Variants in SOX6 observed in about 807,000 individuals in gnomAD.
The protein encoded by SOX6 is SRY-box transcription factor 6.
A neutral mutation model predicts 97.8 loss-of-function variants in SOX6; 11 were observed. The observed-to-expected ratio is 0.11, with a 90% CI of 0.07 to 0.19. The LOEUF (loss-of-function observed/expected upper bound fraction) is 0.19. Among genes scored for constraint, SOX6 ranks in the 10% least tolerant of loss-of-function variants. The pLI, the probability that SOX6 is intolerant of heterozygous loss-of-function variation, is 1.00. For missense variants in SOX6, 810 were observed against 1,039.5 expected (o/e 0.78, Z 3.04); for synonymous variants, 360 against 371.4 (o/e 0.97, Z 0.35).
At chr11:16,525,020 T>C (rs1280616648) in intron 4 of SOX6, among the ~76,000 whole-genome samples, 2 of 152,188 alleles carry the variant, frequency 1.3e-5, no homozygotes, top group Non-Finnish European at 2.9e-5. Flanking sequence ...TGCTCATGGG[T>C]AGGAAGACTC....
rs575764808 is a variant in SOX6 at position 16,572,021 on chromosome 11, T to C, written n.609+40060A>G. Among the ~76,000 whole-genome samples the C allele has an allele frequency of 1.1e-4, 17 of 152,304 alleles. No individual in the cohort carries two copies. The South Asian group carries it at 3.5e-3, about 32-fold the overall frequency. ...TGGATTACTTTGATCTGGATGAAAA[T>C]TATTTTGAAACATAATCAAACGCAC... On this transcript the variant is annotated intron_variant and non_coding_transcript_variant, in intron 4 of 5. Coordinates refer to the SOX6 transcript ENST00000524520.
intron 4 of SOX6, among the ~76,000 whole-genome samples, chr11:16,547,441 C>CAA (rs1202563693): frequency 6.6e-6 from 1 of 151,904 alleles, no homozygotes; most frequent in Non-Finnish European, 1.5e-5. Context: ...CACACACACA[C>CAA]AATGGGATAC....
At chr11:16,673,808 T>A (rs1335892305) in intron 3 of SOX6, among the ~76,000 whole-genome samples, 3 of 151,986 alleles carry the variant, frequency 2.0e-5, no homozygotes, top group Non-Finnish European at 4.4e-5. Flanking sequence ...ATCAAAAAAA[T>A]AAAACTACAG....
At chr11:16,039,856 G>T (rs1005726366) in intron 12 of SOX6, among the ~76,000 whole-genome samples, 2 of 151,646 alleles carry the variant, frequency 1.3e-5, no homozygotes, top group African/African-American at 4.8e-5. Context: ...AACTCTTCAG[G>T]GTCTTTGATA....
Position 16,234,690 on chromosome 11 carries a change from A to G in SOX6, c.446-19T>C, listed in dbSNP as rs1043380031. 6.8e-6 allele frequency: 9 copies of G among 1,320,370 alleles called. No homozygotes were observed. The highest frequency in any genetic ancestry group is 8.4e-6 in the Non-Finnish European group (8 of 950,046). The allele number at this position is 1,320,370 out of a possible 1,614,324, so 81.8% of individuals were successfully genotyped here. A position where few individuals can be genotyped will look rare whatever the true frequency, so the allele number is the denominator to read the frequency against. On this transcript the variant is annotated intron_variant, in intron 3 of 15. Transcript: ENST00000683767. The stretch of plus-strand genomic sequence containing the variant: ...GAGGAATCTATTAAAATACAAAAGT[A>G]AGTATTAAAAATATATATTTATTAC...
At chr11:16,692,046 T>C (rs1218122133) in intron 3 of SOX6, among the ~76,000 whole-genome samples, 1 of 142,612 alleles carries the variant, frequency 7.0e-6, no homozygotes, top group South Asian at 2.4e-4. Context: ...GAAGTTTTGA[T>C]TTGCGTGTGC....
At chr11:16,230,942 A>G (rs1345201217) in intron 4 of SOX6, among the ~76,000 whole-genome samples, 1 of 151,754 alleles carries the variant, frequency 6.6e-6, no homozygotes, top group Admixed American at 6.6e-5. Context: ...AGAGGAGGTA[A>G]GATGGATTAT....
In SOX6 at chr11:16,613,009, A is replaced by C. The variant is rs1177074028; in HGVS notation, n.430-749T>G. The stretch of plus-strand genomic sequence containing the variant: ...CGATTGAATGGAAGCTCTGTACTGT[A>C]CCGACTTCTGGATTTGCCCTGGGTT... On this transcript the variant is annotated intron_variant and non_coding_transcript_variant, in intron 3 of 5. Coordinates refer to the SOX6 transcript ENST00000524520. This position sits in a 1 kb window ranked among gnomAD's most constrained non-coding sequence, Gnocchi z 4.6. The C allele has an allele frequency of 6.6e-6, 1 of 152,444 alleles. No homozygotes were observed. Among genetic ancestry groups the C allele is most frequent in the East Asian group, 1.9e-4 (1 of 5,208 alleles). 9.4% of individuals were successfully genotyped at this position (152,444 alleles called of 1,614,324 possible).
At chr11:16,173,771 T>C (rs766090532) in intron 6 of SOX6, among the ~76,000 whole-genome samples, 7 of 151,272 alleles carry the variant, frequency 4.6e-5, no homozygotes, top group Non-Finnish European at 8.9e-5. Flanking sequence ...ACATTTTTTC[T>C]GTAGTTTTTT....
chr11:16,497,515 C>T (rs1860621658), intron 4 of SOX6, among the ~76,000 whole-genome samples: 1 of 152,032 alleles, frequency 6.6e-6, no homozygotes, highest in South Asian at 2.1e-4. Flanking sequence ...AATCAAACTA[C>T]TCCGAGATAA....
intron 3 of SOX6, among the ~76,000 whole-genome samples, chr11:16,706,515 T>G (rs1590059026): frequency 1.2e-5 from 1 of 86,942 alleles, no homozygotes; most frequent in Non-Finnish European, 2.0e-5. Flanking sequence ...TATATATATA[T>G]ATATATATAG....
chr11:16,329,235 A>C (rs1391676040), intron 2 of SOX6, among the ~76,000 whole-genome samples: 1 of 152,212 alleles, frequency 6.6e-6, no homozygotes, highest in African/African-American at 2.4e-5. Context: ...CAGAAAAAAA[A>C]TAACAAACCC....
rs774907898 is a variant in SOX6, at chr11:16,419,664, A to G, written c.-5+56651T>C. On this transcript the variant is annotated intron_variant, in intron 1 of 15. Coordinates refer to the SOX6 transcript ENST00000396356. ...ATGATGAAAAATACATGACATCTAG[A>G]TTACAATGACATATAGATAATAATG... 3.4e-4 allele frequency among the ~76,000 whole-genome samples: 52 copies of G among 152,206 alleles called. 1 individual carries two copies. Among genetic ancestry groups the G allele is most frequent in the Admixed American group, 2.6e-4 (4 of 15,280 alleles).
At chr11:16,263,229 T>C (rs2134216961) in intron 3 of SOX6, among the ~76,000 whole-genome samples, 1 of 152,020 alleles carries the variant, frequency 6.6e-6, no homozygotes, top group African/African-American at 2.4e-5. Flanking sequence ...TGAAATTGCT[T>C]AAGAACAATA....
At chr11:16,387,491 A>G (rs1472614245) in intron 1 of SOX6, among the ~76,000 whole-genome samples, 2 of 152,132 alleles carry the variant, frequency 1.3e-5, no homozygotes, top group Non-Finnish European at 2.9e-5. Context: ...AGAACCAGAT[A>G]GTGGCAAGCA....
chr11:16,014,601 T>G (rs1854826835), intron 13 of SOX6, among the ~76,000 whole-genome samples: 1 of 152,104 alleles, frequency 6.6e-6, no homozygotes, highest in East Asian at 1.9e-4. Flanking sequence ...TTCTAAGTTT[T>G]CCCTTTTTAA....
rs1434623491 is a variant in SOX6, at chr11:16,587,745, G to A, written n.609+24336C>T. On this transcript the variant is annotated intron_variant and non_coding_transcript_variant, in intron 4 of 5. Transcript: ENST00000524520. The stretch of plus-strand genomic sequence containing the variant: ...GATTCCTTTATTCTCCTTCTCTTGA[G>A]TGCTAGTTGCACTCCAAGATTCTGG... Among the ~76,000 whole-genome samples, 3 of 152,168 alleles carry A rather than the reference G, an allele frequency of 2.0e-5. No individual in the cohort carries two copies. The East Asian group carries it at 5.8e-4, about 29-fold the overall frequency.
At chr11:16,628,202 T>C (rs1390009286) in intron 3 of SOX6, among the ~76,000 whole-genome samples, 4 of 152,204 alleles carry the variant, frequency 2.6e-5, no homozygotes, top group Admixed American at 6.5e-5. Context: ...TGTAGCCTTA[T>C]AGTATGGTTG....
At chr11:16,522,336 A>G (rs1423511510) in intron 4 of SOX6, among the ~76,000 whole-genome samples, 1 of 152,188 alleles carries the variant, frequency 6.6e-6, no homozygotes, top group African/African-American at 2.4e-5. Context: ...CAATATTCTT[A>G]AAGAAAAGAA....
Sources: gnomAD v4.1 joint callset for allele counts (sites outside exome capture counted in the v4.1 genomes callset) on GRCh38, gnomAD v4.1.1 for gene constraint, Gnocchi (gnomAD v3.1) non-coding constraint, MANE v1.5 for transcripts, NCBI Gene and HGNC (gene_info 2026-07-23, HGNC 2026-07-21) for gene names.